The following NRG3 variants were observed in gnomAD, a reference collection of about 807,000 sequenced individuals.
The protein encoded by NRG3 is neuregulin 3, also known as pro-neuregulin-3, membrane-bound isoform.
NRG3 carries 31 observed loss-of-function variants against 66.9 expected under a neutral mutation model. The observed-to-expected ratio is 0.46, with a 90% CI of 0.35 to 0.63. The LOEUF (loss-of-function observed/expected upper bound fraction) is 0.63. Ranked by LOEUF, NRG3 falls within the 20% of genes least tolerant of loss-of-function variation. NRG3 has a pLI of 0.00. For missense variants in NRG3, 910 were observed against 878.9 expected (o/e 1.04, Z -0.45); for synonymous variants, 393 against 359.4 (o/e 1.09, Z -1.06).
chr10:82,072,388 T>A (rs1421220982), intron 1 of NRG3, among the ~76,000 whole-genome samples: 1 of 152,222 alleles, frequency 6.6e-6, no homozygotes, highest in East Asian at 1.9e-4. Context: ...TCCCATCTAC[T>A]TCAGTAACCA....
At position 81,935,162 on chromosome 10, in the gene NRG3, C is replaced by G. The variant is rs936964525; in HGVS notation, c.823+58999C>G. ...GTTTAAAGTGTAGAGGAACAATTTT[C>G]CAGATAAATATGGAATTCGCTTTTT... On this transcript the variant is annotated intron_variant, in intron 1 of 8. Coordinates refer to ENST00000372141, the MANE Select transcript of NRG3 (RefSeq NM_001010848.4). 4.6e-4 allele frequency among the ~76,000 whole-genome samples: 70 copies of G among 152,278 alleles called. 1 individual carries two copies. The highest frequency in any genetic ancestry group is 8.1e-4 in the Non-Finnish European group (55 of 68,022).
chr10:82,149,422 T>G (rs1299381557), intron 1 of NRG3, among the ~76,000 whole-genome samples: 2 of 152,190 alleles, frequency 1.3e-5, no homozygotes, highest in East Asian at 3.9e-4. Context: ...TATTTAAAAT[T>G]TAATTGCTTT....
At chr10:82,617,902 A>T (rs2048771896) in intron 2 of NRG3, among the ~76,000 whole-genome samples, 1 of 152,196 alleles carries the variant, frequency 6.6e-6, no homozygotes, top group Admixed American at 6.5e-5. Flanking sequence ...CACTGCTCTT[A>T]TAAAAAAGTC....
chr10:82,885,985 C>T (rs1278026951), intron 4 of NRG3, among the ~76,000 whole-genome samples: 3 of 152,132 alleles, frequency 2.0e-5, no homozygotes, highest in African/African-American at 7.2e-5. Flanking sequence ...GATTATCCTG[C>T]CTTAGCCTCC....
intron 3 of NRG3, among the ~76,000 whole-genome samples, chr10:82,780,705 A>G (rs1462464587): frequency 6.6e-6 from 1 of 151,906 alleles, no homozygotes; most frequent in Non-Finnish European, 1.5e-5. Context: ...TTGAGATACT[A>G]TTTTTATCTG....
intron 1 of NRG3, among the ~76,000 whole-genome samples, chr10:82,009,329 T>C (rs2061489830): frequency 6.6e-6 from 1 of 152,162 alleles, no homozygotes; most frequent in Non-Finnish European, 1.5e-5. Flanking sequence ...CTTTGTAACC[T>C]TTTCCTGAAT....
chr10:82,187,938 T>C (rs911152474), intron 1 of NRG3, among the ~76,000 whole-genome samples: 4 of 144,402 alleles, frequency 2.8e-5, no homozygotes, highest in African/African-American at 1.0e-4. Context: ...AAAATACCAA[T>C]GACAGTCTTC....
At chr10:82,151,103 C>T (rs2070712324) in intron 1 of NRG3, among the ~76,000 whole-genome samples, 1 of 152,142 alleles carries the variant, frequency 6.6e-6, no homozygotes. Context: ...AATACAGAAA[C>T]TCAGCTTAGC....
At chr10:82,518,219 C>G (rs1845877761) in intron 2 of NRG3, among the ~76,000 whole-genome samples, 1 of 152,098 alleles carries the variant, frequency 6.6e-6, no homozygotes, top group Non-Finnish European at 1.5e-5. Context: ...GTTTTAAGAA[C>G]CTATTTTGAC....
In NRG3 at chr10:82,985,348, G is replaced by A. The variant is rs776357084; in HGVS notation, c.1834G>A (p.Val612Met). The change falls in exon 9 of 9, where the codon GTG (valine) becomes ATG (methionine). Residue 612 changes from valine (V) to methionine (M), a missense_variant. Val to Met is a conservative substitution (Grantham distance 21, BLOSUM62 1). Transcript: ENST00000372141. The stretch of plus-strand genomic sequence containing the variant: ...CTCCTATTCAGCTGACGTTGTCAAT[G>A]TGAGTATTCCAGTCAGCGATTGTCT... Reference protein sequence around the residue: ...KNSYSADVVNVSIPVSDCLIA... With the variant: ...KNSYSADVVNMSIPVSDCLIA... 3.1e-6 allele frequency: 5 copies of A among 1,614,174 alleles called. No individual in the cohort carries two copies. Among genetic ancestry groups the A allele is most frequent in the Non-Finnish European group, 3.4e-6 (4 of 1,180,022 alleles).
At chr10:82,949,849 T>C (rs1224900414) in intron 4 of NRG3, among the ~76,000 whole-genome samples, 1 of 151,598 alleles carries the variant, frequency 6.6e-6, no homozygotes. Flanking sequence ...AGCAAGACTC[T>C]ATATCAAAAA....
At chr10:82,254,829 T>C (rs1256257501) in intron 1 of NRG3, among the ~76,000 whole-genome samples, 2 of 150,906 alleles carry the variant, frequency 1.3e-5, no homozygotes, top group South Asian at 2.1e-4. Context: ...CAAATGTTGA[T>C]GAGACCATGC....
chr10:82,843,242 T>A (rs776915539), intron 3 of NRG3: 4 of 454,978 alleles, frequency 8.8e-6, no homozygotes, highest in African/African-American at 8.0e-5. Context: ...AGTGGGACAT[T>A]TAAGAGGAAT....
intron 1 of NRG3, among the ~76,000 whole-genome samples, chr10:82,190,746 A>C (rs2074095254): frequency 6.6e-6 from 1 of 152,194 alleles, no homozygotes; most frequent in South Asian, 2.1e-4. Flanking sequence ...GCAAGAGCGC[A>C]GCCAAGGCAG....
chr10:82,276,453 T>C (rs2078852396), intron 1 of NRG3, among the ~76,000 whole-genome samples: 1 of 152,060 alleles, frequency 6.6e-6, no homozygotes, highest in Non-Finnish European at 1.5e-5. Flanking sequence ...TATAATTGGC[T>C]GACATGTTTA....
intron 4 of NRG3, among the ~76,000 whole-genome samples, chr10:82,907,722 T>C (rs61858786): frequency 0.047 from 7,081 of 152,268 alleles, 207 homozygotes; most frequent in South Asian, 0.15. Context: ...CAGAAGGTTT[T>C]CCATTTAATT....
intron 1 of NRG3, chr10:82,232,262 A>T (rs750796713): frequency 6.5e-6 from 1 of 153,922 alleles, no homozygotes; most frequent in Non-Finnish European, 1.4e-5. Context: ...AGCTAAAAGG[A>T]TCTTGTAAAA....
At chr10:81,925,237 G>A (rs994915151) in intron 1 of NRG3, among the ~76,000 whole-genome samples, 1 of 152,146 alleles carries the variant, frequency 6.6e-6, no homozygotes, top group Admixed American at 6.5e-5. Context: ...GTAATCACTC[G>A]GGAGGCATGA....
At chr10:82,771,726 A>G (rs939453348) in intron 3 of NRG3, among the ~76,000 whole-genome samples, 1 of 152,192 alleles carries the variant, frequency 6.6e-6, no homozygotes, top group Non-Finnish European at 1.5e-5. Flanking sequence ...TTGATGAATC[A>G]CTATGTTATA....
Sources: gnomAD v4.1 joint callset for allele counts (sites outside exome capture counted in the v4.1 genomes callset) on GRCh38, gnomAD v4.1.1 for gene constraint, MANE v1.5 for transcripts, NCBI Gene and HGNC (gene_info 2026-07-23, HGNC 2026-07-21) for gene names.